Variants in PTPRM observed in about 807,000 individuals in gnomAD.
PTPRM encodes receptor-type tyrosine-protein phosphatase mu.
In PTPRM, 47 loss-of-function variants were observed where a neutral mutation model predicts 186.7. The ratio of observed to expected loss-of-function variants is 0.25; its 90% CI spans 0.20 to 0.32. The LOEUF (loss-of-function observed/expected upper bound fraction) is 0.32, where lower values mean the gene tolerates loss of function less well. Ranked by LOEUF, PTPRM falls within the 10% of genes least tolerant of loss-of-function variation. The pLI is 1.00. For synonymous variants in PTPRM, 668 were observed against 674.9 expected, an observed-to-expected ratio of 0.99 and a Z score of 0.16; for missense variants, 1,494 against 1,865.0, an observed-to-expected ratio of 0.80 and a Z score of 3.66.
chr18:7,571,241 G>GA (rs1227409792), intron 1 of PTPRM, among the ~76,000 whole-genome samples: 1 of 152,128 alleles, frequency 6.6e-6, no homozygotes, highest in Non-Finnish European at 1.5e-5. Flanking sequence ...TGCCCAGGCT[G>GA]AAAAATTGTT....
chr18:7,938,305 G>C (rs1231889420), intron 5 of PTPRM, among the ~76,000 whole-genome samples: 7 of 152,110 alleles, frequency 4.6e-5, no homozygotes, highest in Non-Finnish European at 8.8e-5. Flanking sequence ...CAGAAGAGTT[G>C]TATATTTTAA....
intron 4 of PTPRM, among the ~76,000 whole-genome samples, chr18:7,916,098 A>G (rs1181121511): frequency 1.3e-5 from 2 of 151,832 alleles, no homozygotes; most frequent in Non-Finnish European, 2.9e-5. Context: ...AGACCCTGAA[A>G]GGTGGGACGG....
At chr18:8,192,037 A>C (rs1220109871) in intron 14 of PTPRM, among the ~76,000 whole-genome samples, 1 of 151,716 alleles carries the variant, frequency 6.6e-6, no homozygotes, top group Non-Finnish European at 1.5e-5. Flanking sequence ...TTTATTATTA[A>C]TAATATTGAT....
At chr18:7,635,564 T>C (rs1423212413) in intron 1 of PTPRM, among the ~76,000 whole-genome samples, 2 of 152,248 alleles carry the variant, frequency 1.3e-5, no homozygotes, top group African/African-American at 4.8e-5. Context: ...CTAAGTGTCC[T>C]TTAATATTGT....
At chr18:8,268,027 C>A (rs2147586652) in intron 19 of PTPRM, among the ~76,000 whole-genome samples, 1 of 152,230 alleles carries the variant, frequency 6.6e-6, no homozygotes. Flanking sequence ...TCTGTAGAAA[C>A]ATGTTGTTAA....
At chr18:7,689,264 A>G (rs2039680142) in intron 1 of PTPRM, among the ~76,000 whole-genome samples, 1 of 152,194 alleles carries the variant, frequency 6.6e-6, no homozygotes, top group Non-Finnish European at 1.5e-5. Context: ...TAAGTTAAAG[A>G]AGAAGGAGCA....
chr18:7,649,595 T>C (rs2038646421), intron 1 of PTPRM, among the ~76,000 whole-genome samples: 1 of 152,136 alleles, frequency 6.6e-6, no homozygotes, highest in African/African-American at 2.4e-5. Context: ...CGTGAATGAC[T>C]TTGATGAGTT....
At position 8,296,355 on chromosome 18, in the gene PTPRM, A is replaced by C; in HGVS notation, c.2755-13A>C. On this transcript the variant is annotated splice_polypyrimidine_tract_variant and intron_variant, in intron 19 of 32. Transcript: ENST00000580170. ...GCGCCAAATTGTAATTCTCAGTCTC[A>C]CTTTCCTTCTAGAGCTTCTTTGAAG... is the stretch of plus-strand genomic sequence containing the variant. 1.3e-6 allele frequency: 2 copies of C among 1,561,366 alleles called. No individual in the cohort carries two copies. The highest frequency in any genetic ancestry group is 1.8e-6 in the Non-Finnish European group (2 of 1,132,182).
chr18:8,078,161 A>G (rs967331784), intron 9 of PTPRM, among the ~76,000 whole-genome samples: 2 of 152,166 alleles, frequency 1.3e-5, no homozygotes, highest in African/African-American at 2.4e-5. Flanking sequence ...TCCCTTTCCC[A>G]TGTTTTCTAC....
intron 7 of PTPRM, among the ~76,000 whole-genome samples, chr18:8,043,766 C>T (rs565344959): frequency 6.6e-6 from 1 of 152,078 alleles, no homozygotes; most frequent in South Asian, 2.1e-4. Flanking sequence ...TCTAAGGTCA[C>T]CCTTGATCTG....
In PTPRM at chr18:7,567,792, G is replaced by C. The variant is rs891788668; in HGVS notation, c.-27G>C. The C allele has an allele frequency of 1.3e-6, 2 of 1,515,206 alleles. No homozygotes were observed. Among genetic ancestry groups the C allele is most frequent in the Non-Finnish European group, 1.8e-6 (2 of 1,138,886 alleles). The allele number at this position is 1,515,206 out of a possible 1,614,324, so 93.9% of individuals were successfully genotyped here. On this transcript the variant is annotated 5_prime_UTR_variant, in exon 1 of 33. Transcript: ENST00000580170. The surrounding 1 kb of genome is among the most constrained non-coding windows in gnomAD (Gnocchi z 4.3). ...TCGCGCGCCCACCCACCGCCGCCGG[G>C]GAGCGGCCCGGCCCGCACTCAGCAC...
At chr18:7,936,269 G>T (rs1472925753) in intron 5 of PTPRM, among the ~76,000 whole-genome samples, 1 of 152,194 alleles carries the variant, frequency 6.6e-6, no homozygotes, top group Non-Finnish European at 1.5e-5. Context: ...CCTCCCAGGT[G>T]CAGCTGCAGC....
chr18:7,913,258 G>A lies in PTPRM; in HGVS notation c.547+6675G>A, dbSNP rs141978696. The stretch of plus-strand genomic sequence containing the variant: ...TTTTGGTGGATCCATAGGATTTTCT[G>A]TATGCAAAATTGTGTCATCTTCAAG... On this transcript the variant is annotated intron_variant, in intron 4 of 32. Transcript: ENST00000580170. 8.5e-5 allele frequency among the ~76,000 whole-genome samples: 7 copies of A among 82,016 alleles called. 1 individual carries two copies. The highest frequency in any genetic ancestry group is 7.0e-4 in the Admixed American group (7 of 9,962). 53.8% of individuals were successfully genotyped at this position (82,016 alleles called of 152,430 possible).
At chr18:7,826,239 G>T (rs535600233) in intron 2 of PTPRM, among the ~76,000 whole-genome samples, 1 of 152,204 alleles carries the variant, frequency 6.6e-6, no homozygotes, top group Non-Finnish European at 1.5e-5. Context: ...CCATATGTGA[G>T]ATTTATATTT....
intron 23 of PTPRM, among the ~76,000 whole-genome samples, chr18:8,368,035 A>C (rs1411283171): frequency 6.6e-6 from 1 of 152,104 alleles, no homozygotes; most frequent in Non-Finnish European, 1.5e-5. Context: ...CAGAGAAATA[A>C]ATGAATTTTT....
At chr18:8,030,835 TTATA>T (rs1450595358) in intron 7 of PTPRM, among the ~76,000 whole-genome samples, 1 of 152,218 alleles carries the variant, frequency 6.6e-6, no homozygotes, top group Admixed American at 6.5e-5. Context: ...GAAAGATTCT[TTATA>T]TATGTTTTAT....
At chr18:8,000,753 A>T (rs575705210) in intron 7 of PTPRM, among the ~76,000 whole-genome samples, 13 of 152,346 alleles carry the variant, frequency 8.5e-5, no homozygotes, top group Admixed American at 4.6e-4. Context: ...TCATGAAGTC[A>T]CAAGAAAAGA....
intron 2 of PTPRM, among the ~76,000 whole-genome samples, chr18:7,884,277 A>G (rs1238298421): frequency 1.3e-5 from 2 of 152,166 alleles, no homozygotes; most frequent in Non-Finnish European, 2.9e-5. Flanking sequence ...CTTGCCTTGT[A>G]TGCATTCGTG....
chr18:7,594,127 G>T (rs2037194622), intron 1 of PTPRM, among the ~76,000 whole-genome samples: 1 of 152,130 alleles, frequency 6.6e-6, no homozygotes, highest in Non-Finnish European at 1.5e-5. Context: ...ATTGGAAAAA[G>T]TAACAAATTC....
Sources: allele counts gnomAD v4.1 joint callset (sites outside exome capture counted in the v4.1 genomes callset), GRCh38; gene constraint gnomAD v4.1.1; non-coding constraint Gnocchi (gnomAD v3.1); transcripts MANE v1.5; gene names NCBI Gene and HGNC (gene_info 2026-07-23, HGNC 2026-07-21).